Variants in WDR7 observed in about 807,000 individuals in gnomAD.
The protein encoded by WDR7 is WD repeat-containing protein 7.
Under a neutral mutation model 169.4 loss-of-function variants are expected in WDR7, and 46 were observed. The ratio of observed to expected loss-of-function variants is 0.27; its 90% CI spans 0.21 to 0.35. The LOEUF (loss-of-function observed/expected upper bound fraction) is 0.35. Ranked by LOEUF, WDR7 falls within the 10% of genes least tolerant of loss-of-function variation. WDR7 has a pLI of 1.00. For missense variants in WDR7, 1,534 were observed against 1,859.3 expected (o/e 0.83, Z 3.22); for synonymous variants, 612 against 666.8 (o/e 0.92, Z 1.27).
chr18:56,906,759 C>T (rs1298406892), intron 21 of WDR7, among the ~76,000 whole-genome samples: 1 of 152,170 alleles, frequency 6.6e-6, no homozygotes, highest in Non-Finnish European at 1.5e-5. Context: ...CCAGGCTGGT[C>T]TTGAACTCCT....
Position 57,027,385 on chromosome 18 carries a change from A to AT in WDR7, c.*179dup. On this transcript the variant is annotated 3_prime_UTR_variant, in exon 28 of 28. Coordinates refer to ENST00000254442, the MANE Select transcript of WDR7 (RefSeq NM_015285.3). ...CTCAGGGGCAGAACCCGCTCGTGCCATCTGTCGATTCAGAGGCACGCACAC... is the reference window on the plus strand; with the variant it reads ...CTCAGGGGCAGAACCCGCTCGTGCCATTCTGTCGATTCAGAGGCACGCACAC... 1 of 733,416 alleles carries AT rather than the reference A, an allele frequency of 1.4e-6. No homozygotes were observed. The highest frequency in any genetic ancestry group is 2.2e-6 in the Non-Finnish European group (1 of 457,778). 45.4% of individuals were successfully genotyped at this position (733,416 alleles called of 1,614,324 possible). A position where few individuals can be genotyped will look rare whatever the true frequency, so the allele number is the denominator to read the frequency against.
Position 56,815,176 on chromosome 18 carries a change from G to A in WDR7, c.3191-855G>A, listed in dbSNP as rs531055866. ...AATGGATTCTATGTAGGCAGTTATTGATATCCTTTTAAGATGATTTGGTTA... is the reference window on the plus strand; with the variant it reads ...AATGGATTCTATGTAGGCAGTTATTAATATCCTTTTAAGATGATTTGGTTA... On this transcript the variant is annotated intron_variant, in intron 19 of 27. Transcript: ENST00000254442. Among the ~76,000 whole-genome samples the A allele has an allele frequency of 1.6e-4, 24 of 152,160 alleles. 1 individual carries two copies. Among genetic ancestry groups the A allele is most frequent in the Non-Finnish European group, 3.1e-4 (21 of 68,020 alleles).
intron 21 of WDR7, among the ~76,000 whole-genome samples, chr18:56,899,948 A>G (rs2046378280): frequency 6.6e-6 from 1 of 151,884 alleles, no homozygotes; most frequent in African/African-American, 2.4e-5. Context: ...ATGTGTGCCT[A>G]GGTGATGACT....
At chr18:56,988,627 G>A (rs991074858) in intron 26 of WDR7, among the ~76,000 whole-genome samples, 1 of 146,626 alleles carries the variant, frequency 6.8e-6, no homozygotes, top group African/African-American at 2.5e-5. Context: ...GTGTGTGTGT[G>A]TGTGTGTGTA....
chr18:56,833,240 A>G (rs557619420), intron 20 of WDR7, among the ~76,000 whole-genome samples: 1 of 151,994 alleles, frequency 6.6e-6, no homozygotes, highest in Admixed American at 6.6e-5. Context: ...GGCATGTCAG[A>G]GATTGAAGAT....
intron 20 of WDR7, among the ~76,000 whole-genome samples, chr18:56,833,078 C>A (rs878953141): frequency 6.7e-6 from 1 of 150,234 alleles, no homozygotes; most frequent in African/African-American, 2.4e-5. Context: ...TACAAGGAAG[C>A]TAAGAACCTT....
chr18:56,824,541 A>G (rs17090371), intron 20 of WDR7, among the ~76,000 whole-genome samples: 1,826 of 152,294 alleles, frequency 0.012, 33 homozygotes, highest in African/African-American at 0.04. Flanking sequence ...TACACTGTGT[A>G]TTTACTTAAA....
intron 22 of WDR7, 141 bp downstream of exon 22, chr18:56,924,249 T>C: frequency 1.0e-6 from 1 of 983,034 alleles, no homozygotes; most frequent in Non-Finnish European, 1.5e-6. Flanking sequence ...TGTGAAGTTT[T>C]GAATATGGAC....
intron 21 of WDR7, among the ~76,000 whole-genome samples, chr18:56,906,009 T>A (rs573312614): frequency 1.3e-5 from 2 of 149,602 alleles, no homozygotes; most frequent in Non-Finnish European, 3.0e-5. Flanking sequence ...AGCCAATAAA[T>A]GAAGAAGGAA....
chr18:56,922,608 C>T (rs567996368), intron 21 of WDR7, among the ~76,000 whole-genome samples: 1 of 152,230 alleles, frequency 6.6e-6, no homozygotes, highest in East Asian at 1.9e-4. Flanking sequence ...CAATCCATGG[C>T]CGCCTTGACA....
chr18:56,832,179 G>A (rs1012698247), intron 20 of WDR7, among the ~76,000 whole-genome samples: 2 of 152,164 alleles, frequency 1.3e-5, no homozygotes, highest in Non-Finnish European at 2.9e-5. Flanking sequence ...CATTACTGAG[G>A]CTTCAGTAGG....
At chr18:56,672,421 G>T in intron 1 of WDR7, 76 bp from the exon 2 acceptor site, 36 of 1,032,412 alleles carry the variant, frequency 3.5e-5, no homozygotes, top group Admixed American at 1.1e-4. Context: ...TCAAATTGTT[G>T]GTTTTATAAC....
intron 20 of WDR7, among the ~76,000 whole-genome samples, chr18:56,833,797 A>C (rs1002177121): frequency 5.9e-5 from 9 of 152,228 alleles, no homozygotes; most frequent in African/African-American, 2.2e-4. Flanking sequence ...TTCATACCAC[A>C]TCACTGAACA....
Position 56,681,402 on chromosome 18 carries a change from A to G in WDR7, c.345+11A>G. On this transcript the variant is annotated intron_variant, in intron 4 of 27. Transcript: ENST00000254442. ...CATACTGGCATACAGGTTAGTTTCT[A>G]TTTCTGTGACTCTAAGTACAAACTA... 6.5e-7 allele frequency: 1 copy of G among 1,542,046 alleles called. No homozygotes were observed. The highest frequency in any genetic ancestry group is 8.7e-7 in the Non-Finnish European group (1 of 1,145,470).
intron 1 of WDR7, among the ~76,000 whole-genome samples, chr18:56,652,740 G>C (rs2024683047): frequency 6.6e-6 from 1 of 152,090 alleles, no homozygotes; most frequent in Non-Finnish European, 1.5e-5. Context: ...CTTATTTTAA[G>C]AGTGTTTCAG....
chr18:56,774,183 A>G (rs2044208068), intron 16 of WDR7, among the ~76,000 whole-genome samples: 1 of 152,114 alleles, frequency 6.6e-6, no homozygotes, highest in Non-Finnish European at 1.5e-5. Flanking sequence ...TAAATATTTT[A>G]ATATCACAAT....
At chr18:56,774,283 G>A (rs148227494) in intron 16 of WDR7, among the ~76,000 whole-genome samples, 2 of 152,184 alleles carry the variant, frequency 1.3e-5, no homozygotes, top group Admixed American at 6.5e-5. Context: ...AGAATCTAGG[G>A]ATGTTATAAT....
intron 27 of WDR7, among the ~76,000 whole-genome samples, chr18:57,022,914 G>A (rs952784436): frequency 6.6e-6 from 1 of 152,204 alleles, no homozygotes. Context: ...ACACAGTGGG[G>A]CTGCAGTACA....
intron 14 of WDR7, among the ~76,000 whole-genome samples, chr18:56,734,759 T>A (rs1256076751): frequency 6.6e-6 from 1 of 152,132 alleles, no homozygotes; most frequent in Non-Finnish European, 1.5e-5. Flanking sequence ...ATGGGGTATT[T>A]TTTGTTCTTT....
Sources: allele counts gnomAD v4.1 joint callset (sites outside exome capture counted in the v4.1 genomes callset), GRCh38; gene constraint gnomAD v4.1.1; transcripts MANE v1.5; gene names NCBI Gene and HGNC (gene_info 2026-07-23, HGNC 2026-07-21).